Variants in ZFHX3 observed in about 807,000 individuals in gnomAD.
The protein encoded by ZFHX3 is zinc finger homeobox protein 3.
ZFHX3 carries 42 observed loss-of-function variants against 279.1 expected under a neutral mutation model. The ratio of observed to expected loss-of-function variants is 0.15; its 90% CI spans 0.12 to 0.19. The LOEUF is 0.19. Ranked by LOEUF, ZFHX3 falls within the 10% of genes least tolerant of loss-of-function variation. The probability of loss-of-function intolerance (pLI) is 1.00; values close to 1 mark genes in which losing one functional copy is unlikely to be tolerated. For synonymous variants in ZFHX3, 2,293 were observed against 1,957.8 expected (o/e 1.17, Z -4.52); for missense variants, 4,981 against 4,754.0 (o/e 1.05, Z -1.40).
chr16:72,855,617 T>C (rs545273544), intron 4 of ZFHX3, among the ~76,000 whole-genome samples: 216 of 152,296 alleles, frequency 1.4e-3, no homozygotes, highest in South Asian at 2.1e-3. Context: ...GTTCCAAGAT[T>C]CATCTGGAAA....
At chr16:72,849,293 A>C (rs1349788586) in intron 4 of ZFHX3, among the ~76,000 whole-genome samples, 1 of 152,132 alleles carries the variant, frequency 6.6e-6, no homozygotes, top group African/African-American at 2.4e-5. Flanking sequence ...CAGCCAGAGG[A>C]GCTGCAAGAG....
At chr16:72,880,727 G>C (rs1399588735) in intron 4 of ZFHX3, among the ~76,000 whole-genome samples, 1 of 152,144 alleles carries the variant, frequency 6.6e-6, no homozygotes, top group Non-Finnish European at 1.5e-5. Context: ...AATTAGAGCA[G>C]AGGTCAAAGA....
At chr16:73,303,631 T>G (rs2015109113) in intron 4 of ZFHX3, among the ~76,000 whole-genome samples, 1 of 152,116 alleles carries the variant, frequency 6.6e-6, no homozygotes, top group Non-Finnish European at 1.5e-5. Context: ...TCTGTATAAG[T>G]CAAACCAAAA....
At chr16:72,943,151 T>C (rs370937384) in intron 3 of ZFHX3, among the ~76,000 whole-genome samples, 24 of 152,240 alleles carry the variant, frequency 1.6e-4, no homozygotes, top group Non-Finnish European at 2.9e-4. Flanking sequence ...GCAATCGTTG[T>C]ACAGCTAGCC....
chr16:73,479,227 T>TG lies in ZFHX3; in HGVS notation c.-1546-22970dup, dbSNP rs568011365. Reference sequence around the variant, plus strand: ...CAGAAAAATAAGTGTTGCTAATGACTGGGGAGCTGCCATATTTATTCATTA... The same window carrying TG: ...CAGAAAAATAAGTGTTGCTAATGACTGGGGGAGCTGCCATATTTATTCATTA... On this transcript the variant is annotated intron_variant, in intron 2 of 17. Coordinates refer to the ZFHX3 transcript ENST00000641206. 1.4e-3 allele frequency among the ~76,000 whole-genome samples: 206 copies of TG among 152,244 alleles called. 2 individuals carry two copies. Among genetic ancestry groups the TG allele is most frequent in the African/African-American group, 4.4e-3 (184 of 41,534 alleles).
chr16:73,127,513 AAGAG>A (rs1188678642), intron 7 of ZFHX3: 2 of 1,305,510 alleles, frequency 1.5e-6, no homozygotes, highest in East Asian at 1.1e-4. Context: ...ATGGGGGAAG[AAGAG>A]AGCCCCTGAA....
chr16:72,826,010 A>C (rs1278196173), intron 5 of ZFHX3, among the ~76,000 whole-genome samples: 2 of 152,286 alleles, frequency 1.3e-5, no homozygotes, highest in East Asian at 3.9e-4. Flanking sequence ...AGAATGTTAG[A>C]TTCCCTGAAG....
At chr16:72,974,785 G>A (rs1050567368) in intron 1 of ZFHX3, among the ~76,000 whole-genome samples, 1 of 152,136 alleles carries the variant, frequency 6.6e-6, no homozygotes, top group African/African-American at 2.4e-5. Flanking sequence ...AATCGTACAC[G>A]GGGTCTTCCC....
At chr16:73,416,852 CG>C (rs1567477682) in intron 3 of ZFHX3, among the ~76,000 whole-genome samples, 1 of 151,318 alleles carries the variant, frequency 6.6e-6, no homozygotes, top group Admixed American at 6.6e-5. Flanking sequence ...CCAGCCTGGG[CG>C]ACAGAGCGAG....
chr16:73,431,101 T>C (rs1215570470), intron 3 of ZFHX3, among the ~76,000 whole-genome samples: 6 of 152,240 alleles, frequency 3.9e-5, no homozygotes, highest in Non-Finnish European at 7.3e-5. Context: ...GCCTGAATTA[T>C]GCAATTTGTC....
At chr16:72,875,978 T>C (rs758214844) in intron 4 of ZFHX3, among the ~76,000 whole-genome samples, 6 of 152,200 alleles carry the variant, frequency 3.9e-5, no homozygotes, top group Admixed American at 3.3e-4. Context: ...AATGTTGAAA[T>C]GAGCTTATTT....
intron 1 of ZFHX3, among the ~76,000 whole-genome samples, chr16:73,687,696 G>T (rs2053103777): frequency 6.6e-6 from 1 of 151,122 alleles, no homozygotes; most frequent in Non-Finnish European, 1.5e-5. Context: ...ACAAAAATTA[G>T]CCAGGCATGG....
At chr16:72,832,212 A>G (rs1408888881) in intron 4 of ZFHX3, among the ~76,000 whole-genome samples, 1 of 152,018 alleles carries the variant, frequency 6.6e-6, no homozygotes, top group African/African-American at 2.4e-5. Context: ...AGCACTAAAA[A>G]CTCACAGTCA....
chr16:72,815,872 C>T (rs981213609), intron 5 of ZFHX3, among the ~76,000 whole-genome samples: 1 of 152,050 alleles, frequency 6.6e-6, no homozygotes, highest in South Asian at 2.1e-4. Flanking sequence ...GTGGTTTGTA[C>T]AATAATCACA....
At chr16:73,520,478 T>C (rs986289863) in intron 2 of ZFHX3, among the ~76,000 whole-genome samples, 14 of 152,218 alleles carry the variant, frequency 9.2e-5, no homozygotes, top group African/African-American at 3.1e-4. Context: ...TATGAAATAA[T>C]TGTCTTGGTA....
At chr16:73,406,720 A>G (rs983689721) in intron 3 of ZFHX3, among the ~76,000 whole-genome samples, 1 of 152,200 alleles carries the variant, frequency 6.6e-6, no homozygotes, top group Admixed American at 6.5e-5. Context: ...ATGTTACTAC[A>G]ATTTTAGGGC....
chr16:73,619,118 A>C (rs1454259393), intron 2 of ZFHX3, among the ~76,000 whole-genome samples: 1 of 152,192 alleles, frequency 6.6e-6, no homozygotes, highest in Non-Finnish European at 1.5e-5. Flanking sequence ...GAGAAGATTC[A>C]AGACAAGGAC....
chr16:72,866,774 CTT>C (rs1445901853), intron 4 of ZFHX3, among the ~76,000 whole-genome samples: 1 of 152,194 alleles, frequency 6.6e-6, no homozygotes, highest in Non-Finnish European at 1.5e-5. Context: ...CATGGCACCT[CTT>C]TGAACATCTT....
At chr16:73,178,380 C>T (rs1428746033) in intron 5 of ZFHX3, among the ~76,000 whole-genome samples, 2 of 152,176 alleles carry the variant, frequency 1.3e-5, no homozygotes, top group African/African-American at 4.8e-5. Context: ...CTCAAGTGAT[C>T]CGCCTGCCTC....
Sources: gnomAD v4.1 joint callset for allele counts (sites outside exome capture counted in the v4.1 genomes callset) on GRCh38, gnomAD v4.1.1 for gene constraint, MANE v1.5 for transcripts, NCBI Gene and HGNC (gene_info 2026-07-23, HGNC 2026-07-21) for gene names.